The following GPR132 variants were observed in gnomAD, a reference collection of about 807,000 sequenced individuals.
GPR132 encodes G protein-coupled receptor 132.
A neutral mutation model predicts 1.9 loss-of-function variants in GPR132; 4 were observed. The observed-to-expected ratio is 2.13, with a 90% CI of 1.05 to 4.87. The LOEUF is 4.87. Ranked by LOEUF, GPR132 falls within the 30% of genes most tolerant of loss-of-function variation. The probability of loss-of-function intolerance (pLI) is 0.01; values close to 1 mark genes in which losing one functional copy is unlikely to be tolerated. For synonymous variants in GPR132, 233 were observed against 234.2 expected (o/e 0.99, Z 0.05); for missense variants, 404 against 512.5 (o/e 0.79, Z 2.04).
chr14:105,054,092 C>A (rs1886721423), intron 3 of GPR132: 3 of 1,288,174 alleles, frequency 2.3e-6, no homozygotes, highest in Non-Finnish European at 3.0e-6. Context: ...TGCTTCTGGG[C>A]CTTCTGTGGT....
intron 1 of GPR132, 142 bp from the exon 2 acceptor site, chr14:105,057,422 G>T: frequency 2.0e-6 from 1 of 491,090 alleles, no homozygotes; most frequent in Middle Eastern, 5.3e-4. Flanking sequence ...TTGAGAATCT[G>T]CCGTTGCATC....
At chr14:105,058,598 A>G (rs1402766509) in intron 1 of GPR132, among the ~76,000 whole-genome samples, 3 of 152,248 alleles carry the variant, frequency 2.0e-5, no homozygotes, top group African/African-American at 7.2e-5. Flanking sequence ...GTTTCCAAAA[A>G]TCTCAAATGT....
Position 105,050,091 on chromosome 14 carries a change from C to G in GPR132, c.*903G>C, listed in dbSNP as rs187943524. On this transcript the variant is annotated 3_prime_UTR_variant, in exon 4 of 4. Transcript: ENST00000329797. This position sits in a 1 kb window ranked among gnomAD's most constrained non-coding sequence, Gnocchi z 4.0. ...AGGGAAACCAGGGCATCAGTGTGAC[C>G]TGGTCTAGGCAAGGCCTTTGCGGCA... is the stretch of plus-strand genomic sequence containing the variant. 6.6e-6 allele frequency: 1 copy of G among 152,468 alleles called. No individual in the cohort carries two copies. The highest frequency in any genetic ancestry group is 6.5e-5 in the Admixed American group (1 of 15,312). 9.4% of individuals were successfully genotyped at this position (152,468 alleles called of 1,614,324 possible).
chr14:105,057,784 G>A (rs1299611225), intron 1 of GPR132, among the ~76,000 whole-genome samples: 1 of 151,660 alleles, frequency 6.6e-6, no homozygotes, highest in Non-Finnish European at 1.5e-5. Context: ...CGCCTCCTGG[G>A]TTCAAGCGAT....
chr14:105,051,632 G>C lies in GPR132; in HGVS notation c.505C>G (p.Leu169Val). 1 of 1,614,034 alleles carries C rather than the reference G, an allele frequency of 6.2e-7. No individual in the cohort carries two copies. Among genetic ancestry groups the C allele is most frequent in the Non-Finnish European group, 8.5e-7 (1 of 1,180,042 alleles). The change falls in exon 4 of 4, where the codon CTC becomes GTC. Residue 169 changes from leucine (L) to valine (V), a missense_variant. By Grantham distance (32) the Leu-to-Val change is conservative (BLOSUM62 1). Transcript: ENST00000329797. The surrounding 1 kb of genome is among the most constrained non-coding windows in gnomAD (Gnocchi z 8.0). ...AILISACIFI[L>V]VGIVHYPVFQ... Reference sequence around the variant, plus strand: ...ACCGGGTAGTGAACGATCCCGACGAGGATGAAGATGCAGGCGGAGATGAGG... The same window carrying C: ...ACCGGGTAGTGAACGATCCCGACGACGATGAAGATGCAGGCGGAGATGAGG...
At position 105,051,090 on chromosome 14, in the gene GPR132, C is replaced by T. The variant is rs766696180; in HGVS notation, c.1047G>A (p.Ser349=). 2.5e-5 allele frequency: 41 copies of T among 1,614,046 alleles called. No homozygotes were observed. The highest frequency in any genetic ancestry group is 3.3e-5 in the South Asian group (3 of 91,088). ...TGTAGTGGTCTGCAAGGGCCACGGG[C>T]GACTGCAGCTCCTCGGTGTCCCTGC... is the stretch of plus-strand genomic sequence containing the variant. ...THSRDTEELQ[S]PVALADHYTF... is the part of the protein sequence containing the mutation. Residue 349 remains serine (S), a synonymous_variant, in exon 4 of 4, where the codon TCG becomes TCA. Transcript: ENST00000329797. The surrounding 1 kb of genome is among the most constrained non-coding windows in gnomAD (Gnocchi z 8.0).
Position 105,052,076 on chromosome 14 carries a change from C to A in GPR132, c.61G>T (p.Ala21Ser). Residue 21 changes from alanine (A) to serine (S), a missense_variant, in exon 4 of 4, where the codon GCC (alanine) becomes TCC (serine). Physicochemically the swap from Ala to Ser is moderately conservative, Grantham distance 99 (BLOSUM62 1). Coordinates refer to ENST00000329797, the MANE Select transcript of GPR132 (RefSeq NM_013345.4). ...GAGAGGCCCAGGGAGGCCCACGGGGCAGTGGTGGTCACTGGGGTGGCGTTT... is the reference window on the plus strand; with the variant it reads ...GAGAGGCCCAGGGAGGCCCACGGGGAAGTGGTGGTCACTGGGGTGGCGTTT... Reference protein sequence around the residue: ...NGNATPVTTTAPWASLGLSAK... With the variant: ...NGNATPVTTTSPWASLGLSAK... 1 of 1,582,008 alleles carries A rather than the reference C, an allele frequency of 6.3e-7. No individual in the cohort carries two copies. Among genetic ancestry groups the A allele is most frequent in the Non-Finnish European group, 8.6e-7 (1 of 1,166,458 alleles).
chr14:105,061,737 C>T (rs1004193677), intron 1 of GPR132, among the ~76,000 whole-genome samples: 1 of 152,116 alleles, frequency 6.6e-6, no homozygotes, highest in African/African-American at 2.4e-5. Flanking sequence ...CAGGCACCAC[C>T]CTCCTGGGGG....
rs1363520501 is a variant in GPR132, at chr14:105,060,238, C to T, written c.-860-2958G>A. Among the ~76,000 whole-genome samples, 4 of 152,192 alleles carry T rather than the reference C, an allele frequency of 2.6e-5. No individual in the cohort carries two copies. The highest frequency in any genetic ancestry group is 5.9e-5 in the Non-Finnish European group (4 of 68,032). On this transcript the variant is annotated intron_variant, in intron 1 of 3. Transcript: ENST00000329797. The surrounding 1 kb of genome is among the most constrained non-coding windows in gnomAD (Gnocchi z 6.3). ...TGGCTGCTGCGCCCAGCTCCAAGGC[C>T]CAGCAAGAGATGCAGGGCTCTCTGG...
Position 105,051,076 on chromosome 14 carries a change from G to A in GPR132, c.1061C>T (p.Ala354Val), listed in dbSNP as rs983242557. 2.8e-5 allele frequency: 46 copies of A among 1,614,054 alleles called. No individual in the cohort carries two copies. The highest frequency in any genetic ancestry group is 3.7e-5 in the Non-Finnish European group (44 of 1,179,996). The change falls in exon 4 of 4, where the codon GCA (alanine) becomes GTA (valine). Residue 354 changes from alanine (A) to valine (V), a missense_variant. By Grantham distance (64) the Ala-to-Val change is moderately conservative. Transcript: ENST00000329797. This position sits in a 1 kb window ranked among gnomAD's most constrained non-coding sequence, Gnocchi z 8.0. ...GGGCCTGGAGAAGGTGTAGTGGTCT[G>A]CAAGGGCCACGGGCGACTGCAGCTC... ...TEELQSPVAL[A>V]DHYTFSRPVH...
At chr14:105,053,062 C>T (rs957121236) in intron 3 of GPR132, among the ~76,000 whole-genome samples, 2 of 152,028 alleles carry the variant, frequency 1.3e-5, no homozygotes, top group East Asian at 3.9e-4. Context: ...GCTACTATGC[C>T]CTTCCAGCGC....
At position 105,059,573 on chromosome 14, in the gene GPR132, C is replaced by A. The variant is rs928786859; in HGVS notation, c.-860-2293G>T. On this transcript the variant is annotated intron_variant, in intron 1 of 3. Coordinates refer to ENST00000329797, the MANE Select transcript of GPR132 (RefSeq NM_013345.4). The surrounding 1 kb of genome is among the most constrained non-coding windows in gnomAD (Gnocchi z 4.2). ...AATGCAACCATTTGTCTCTCGCCTA[C>A]CTGTGTAGGCGAGAGACAAATGGTT... is the stretch of plus-strand genomic sequence containing the variant. 1.3e-5 allele frequency among the ~76,000 whole-genome samples: 2 copies of A among 151,842 alleles called. No individual in the cohort carries two copies. The highest frequency in any genetic ancestry group is 2.9e-5 in the Non-Finnish European group (2 of 67,976).
intron 3 of GPR132, among the ~76,000 whole-genome samples, chr14:105,053,746 T>C (rs1426017360): frequency 6.6e-6 from 1 of 151,888 alleles, no homozygotes. Flanking sequence ...CCTTGGGACA[T>C]GTAGATATGG....
chr14:105,058,834 A>G (rs1886867955), intron 1 of GPR132, among the ~76,000 whole-genome samples: 1 of 152,210 alleles, frequency 6.6e-6, no homozygotes, highest in African/African-American at 2.4e-5. Flanking sequence ...CCTCTAAAAC[A>G]GGCACCACCC....
rs1566734880 is a variant in GPR132, at chr14:105,056,099, C to T, written c.-679G>A. On this transcript the variant is annotated 5_prime_UTR_variant, in exon 3 of 4. Coordinates refer to ENST00000329797, the MANE Select transcript of GPR132 (RefSeq NM_013345.4). The surrounding 1 kb of genome is among the most constrained non-coding windows in gnomAD (Gnocchi z 6.0). ...CCGGCGGTGTGCAGGGCTCCGGTCT[C>T]CCCACAGCCTCGCTGCGCTTGCTGG... 2.0e-6 allele frequency: 2 copies of T among 981,708 alleles called. No individual in the cohort carries two copies. The highest frequency in any genetic ancestry group is 1.2e-6 in the Non-Finnish European group (1 of 826,452). 60.8% of individuals were successfully genotyped at this position (981,708 alleles called of 1,614,324 possible).
At position 105,060,969 on chromosome 14, in the gene GPR132, A is replaced by AG. The variant is rs11386598; in HGVS notation, c.-860-3690dup. On this transcript the variant is annotated intron_variant, in intron 1 of 3. Transcript: ENST00000329797. This position sits in a 1 kb window ranked among gnomAD's most constrained non-coding sequence, Gnocchi z 6.3. Reference sequence around the variant, plus strand: ...TTGAGAGCAGAGACTAGCCAGGGGCAGAGCCGGAGCCACCTTCCCATCCAG... The same window carrying AG: ...TTGAGAGCAGAGACTAGCCAGGGGCAGGAGCCGGAGCCACCTTCCCATCCAG... 0.035 allele frequency among the ~76,000 whole-genome samples: 5,298 copies of AG among 152,372 alleles called. 301 individuals are homozygous for AG. Among genetic ancestry groups the AG allele is most frequent in the African/African-American group, 0.12 (5,019 of 41,584 alleles).
rs775580898 is a variant in GPR132, at chr14:105,051,055, C to T, written c.1082G>A (p.Arg361Lys). The T allele has an allele frequency of 9.9e-6, 16 of 1,614,046 alleles. No homozygotes were observed. Among genetic ancestry groups the T allele is most frequent in the Non-Finnish European group, 1.4e-5 (16 of 1,180,030 alleles). ...VALADHYTFS[R>K]PVHPPGSPCP... ...TGGTGACCCTGGTGGGTGCACGGGC[C>T]TGGAGAAGGTGTAGTGGTCTGCAAG... Residue 361 changes from arginine (R) to lysine (K), a missense_variant, in exon 4 of 4, where the codon AGG (arginine) becomes AAG (lysine). By Grantham distance (26) the Arg-to-Lys change is conservative. Transcript: ENST00000329797. This position sits in a 1 kb window ranked among gnomAD's most constrained non-coding sequence, Gnocchi z 8.0.
Position 105,050,809 on chromosome 14 carries a change from C to A in GPR132, c.*185G>T. 2 of 613,786 alleles carry A rather than the reference C, an allele frequency of 3.3e-6. No homozygotes were observed. Among genetic ancestry groups the A allele is most frequent in the Non-Finnish European group, 5.6e-6 (2 of 356,640 alleles). 38.0% of individuals were successfully genotyped at this position (613,786 alleles called of 1,614,324 possible). ...AGGTGTCGCTCCTCCCCTTGGCATG[C>A]AGCCACCTTCCATGTGGGAAAGCCT... is the stretch of plus-strand genomic sequence containing the variant. On this transcript the variant is annotated 3_prime_UTR_variant, in exon 4 of 4. Coordinates refer to ENST00000329797, the MANE Select transcript of GPR132 (RefSeq NM_013345.4). This position sits in a 1 kb window ranked among gnomAD's most constrained non-coding sequence, Gnocchi z 4.0.
In GPR132 at chr14:105,059,223, G is replaced by A. The variant is rs1240134186; in HGVS notation, c.-860-1943C>T. On this transcript the variant is annotated intron_variant, in intron 1 of 3. Transcript: ENST00000329797. This position sits in a 1 kb window ranked among gnomAD's most constrained non-coding sequence, Gnocchi z 4.2. ...GGCCTGTATGTTGAGAGGCTGGCCAGGGGCACTCCCTGGAGCCACTTGCTC... is the reference window on the plus strand; with the variant it reads ...GGCCTGTATGTTGAGAGGCTGGCCAAGGGCACTCCCTGGAGCCACTTGCTC... Among the ~76,000 whole-genome samples, 1 of 152,324 alleles carries A rather than the reference G, an allele frequency of 6.6e-6. No individual in the cohort carries two copies. Among genetic ancestry groups the A allele is most frequent in the East Asian group, 1.9e-4 (1 of 5,166 alleles).
Sources: allele counts gnomAD v4.1 joint callset (sites outside exome capture counted in the v4.1 genomes callset), GRCh38; gene constraint gnomAD v4.1.1; non-coding constraint Gnocchi (gnomAD v3.1); transcripts MANE v1.5; gene names NCBI Gene and HGNC (gene_info 2026-07-23, HGNC 2026-07-21).